The following ZBTB45 variants were observed in gnomAD, a reference collection of about 807,000 sequenced individuals.
ZBTB45 encodes zinc finger and BTB domain-containing protein 45.
In ZBTB45, 22 loss-of-function variants were observed where a neutral mutation model predicts 28.4. That is an observed-to-expected ratio of 0.77 (90% CI 0.55 to 1.10). The LOEUF (loss-of-function observed/expected upper bound fraction) is 1.10, where lower values mean the gene tolerates loss of function less well. Ranked by LOEUF, ZBTB45 falls within the 50% of genes least tolerant of loss-of-function variation. The pLI is 0.00. For synonymous variants in ZBTB45, 361 were observed against 332.3 expected, an observed-to-expected ratio of 1.09 and a Z score of -0.94; for missense variants, 656 against 750.2, an observed-to-expected ratio of 0.87 and a Z score of 1.47.
In ZBTB45 at chr19:58,517,684, C is replaced by T. The variant is rs774630616; in HGVS notation, c.1-11G>A. ...CTCTGCAGCCGCCATCTGCACAGAACAAGAGGAGGGCAGGGAGAGGTCAAC... is the reference window on the plus strand; with the variant it reads ...CTCTGCAGCCGCCATCTGCACAGAATAAGAGGAGGGCAGGGAGAGGTCAAC... On this transcript the variant is annotated splice_polypyrimidine_tract_variant and intron_variant, in intron 1 of 2. Coordinates refer to ENST00000594051, the MANE Select transcript of ZBTB45 (RefSeq NM_001316979.2). 6.2e-7 allele frequency: 1 copy of T among 1,607,620 alleles called. No individual in the cohort carries two copies.
upstream of ZBTB45, among the ~76,000 whole-genome samples, chr19:58,520,548 T>C (rs1328546729): frequency 6.6e-6 from 1 of 152,170 alleles, no homozygotes; most frequent in African/African-American, 2.4e-5. Context: ...AGGTTACTCA[T>C]TAGCTGATCT....
rs1195668696 is a variant in ZBTB45 at position 58,516,850 on chromosome 19, C to T, written c.824G>A (p.Gly275Glu). Reference protein sequence around the residue: ...YSGAGRDFLRGAGSAEDVFPD... With the variant: ...YSGAGRDFLREAGSAEDVFPD... Reference sequence around the variant, plus strand: ...AAATACGTCCTCAGCTGACCCAGCTCCCCGAAGAAAATCTCTCCCGGCACC... The same window carrying T: ...AAATACGTCCTCAGCTGACCCAGCTTCCCGAAGAAAATCTCTCCCGGCACC... Residue 275 changes from glycine to glutamate, a missense_variant, in exon 2 of 3, where the codon GGA becomes GAA. Coordinates refer to ENST00000594051, the MANE Select transcript of ZBTB45 (RefSeq NM_001316979.2). This position sits in a 1 kb window ranked among gnomAD's most constrained non-coding sequence, Gnocchi z 6.2. 6.2e-7 allele frequency: 1 copy of T among 1,613,564 alleles called. No individual in the cohort carries two copies. Among genetic ancestry groups the T allele is most frequent in the South Asian group, 1.1e-5 (1 of 91,082 alleles).
upstream of ZBTB45, among the ~76,000 whole-genome samples, chr19:58,521,192 G>A (rs1173133491): frequency 2.1e-5 from 3 of 143,456 alleles, no homozygotes; most frequent in Non-Finnish European, 3.0e-5. Flanking sequence ...GTGAAACCCC[G>A]TCTCTACTAA....
chr19:58,517,794 G>A (rs558332265), intron 1 of ZBTB45, 121 bp from the exon 2 acceptor site: 59 of 872,598 alleles, frequency 6.8e-5, no homozygotes, highest in African/African-American at 5.6e-4. Context: ...TCCAAGGCGC[G>A]CTAACCCATC....
upstream of ZBTB45, among the ~76,000 whole-genome samples, chr19:58,522,673 A>C (rs1235768771): frequency 1.3e-5 from 2 of 152,034 alleles, no homozygotes; most frequent in Non-Finnish European, 2.9e-5. Flanking sequence ...AAGTCTAATA[A>C]CCTGCCATCA....
chr19:58,524,156 C>G (rs2053593426), upstream of ZBTB45, among the ~76,000 whole-genome samples: 1 of 148,166 alleles, frequency 6.7e-6, no homozygotes, highest in Admixed American at 6.8e-5. Context: ...CACCTGAGAT[C>G]AGGAGTTCCA....
intron 1 of ZBTB45, among the ~76,000 whole-genome samples, chr19:58,534,033 G>A (rs1028834719): frequency 6.6e-6 from 1 of 152,232 alleles, no homozygotes; most frequent in South Asian, 2.1e-4. Flanking sequence ...TGTCTGTGAA[G>A]TTAGGGCGTC....
intron 1 of ZBTB45, among the ~76,000 whole-genome samples, chr19:58,526,099 A>G (rs1361674217): frequency 6.6e-6 from 1 of 152,164 alleles, no homozygotes; most frequent in Non-Finnish European, 1.5e-5. Context: ...ATGGTGGCAC[A>G]TGCCTATAAT....
At chr19:58,524,067 A>AG (rs2053592847), upstream of ZBTB45, among the ~76,000 whole-genome samples, 2 of 139,180 alleles carry the variant, frequency 1.4e-5, no homozygotes, top group South Asian at 2.3e-4. Context: ...CTGTCTCAAA[A>AG]AAAAAAAAAA....
chr19:58,534,481 C>T (rs1276315164), intron 1 of ZBTB45, among the ~76,000 whole-genome samples: 1 of 151,834 alleles, frequency 6.6e-6, no homozygotes, highest in Non-Finnish European at 1.5e-5. Flanking sequence ...CCTCTGATTC[C>T]TTGGTTCAAG....
At position 58,516,652 on chromosome 19, in the gene ZBTB45, G is replaced by A. The variant is rs763726577; in HGVS notation, c.1022C>T (p.Pro341Leu). The change falls in exon 2 of 3, where the codon CCA becomes CTA. Residue 341 changes from proline to leucine, a missense_variant. Physicochemically the swap from Pro to Leu is moderately conservative, Grantham distance 98. Transcript: ENST00000594051. The surrounding 1 kb of genome is among the most constrained non-coding windows in gnomAD (Gnocchi z 6.2). ...LFPFHLGAPG[P>L]PAPPPSAPSG... ...TGGTGCTGAAGGGGGTGGTGCGGGT[G>A]GCCCAGGGGCACCCAAGTGAAAGGG... is the stretch of plus-strand genomic sequence containing the variant. 1 of 1,560,698 alleles carries A rather than the reference G, an allele frequency of 6.4e-7. No homozygotes were observed. The highest frequency in any genetic ancestry group is 8.7e-7 in the Non-Finnish European group (1 of 1,153,026).
At chr19:58,531,773 G>A (rs569178834) in intron 1 of ZBTB45, among the ~76,000 whole-genome samples, 11 of 152,274 alleles carry the variant, frequency 7.2e-5, no homozygotes, top group East Asian at 3.9e-4. Flanking sequence ...TGCATCAGCC[G>A]ATGACGGTCA....
intron 1 of ZBTB45, among the ~76,000 whole-genome samples, chr19:58,532,065 GGGAA>G (rs1797808934): frequency 6.6e-6 from 1 of 152,000 alleles, no homozygotes; most frequent in Non-Finnish European, 1.5e-5. Flanking sequence ...AGGATGCTTT[GGGAA>G]GGCAGCAAAC....
At chr19:58,530,384 C>CA (rs147998940) in intron 1 of ZBTB45, among the ~76,000 whole-genome samples, 2,903 of 151,960 alleles carry the variant, frequency 0.019, 32 homozygotes, top group Middle Eastern at 0.028. Context: ...CTCGGCTCAC[C>CA]ACAACCTCCG....
At chr19:58,521,410 TAGCC>T (rs2053578124), upstream of ZBTB45, among the ~76,000 whole-genome samples, 1 of 150,538 alleles carries the variant, frequency 6.6e-6, no homozygotes, top group Non-Finnish European at 1.5e-5. Flanking sequence ...AAACAGACCT[TAGCC>T]CTAGAAGTGC....
In ZBTB45 at chr19:58,516,921, G is replaced by A. The variant is rs556405108; in HGVS notation, c.753C>T (p.Ser251=). Residue 251 remains serine, a synonymous_variant, in exon 2 of 3, where the codon AGC becomes AGT. Coordinates refer to ENST00000594051, the MANE Select transcript of ZBTB45 (RefSeq NM_001316979.2). The surrounding 1 kb of genome is among the most constrained non-coding windows in gnomAD (Gnocchi z 6.2). ...AAGFLTAAAD[S]ACEEPPAPTG... ...TGGGTGCAGGGGGCTCCTCGCACGC[G>A]CTGTCAGCAGCAGCAGTGAGGAAGC... 6.8e-5 allele frequency: 110 copies of A among 1,613,276 alleles called. No individual in the cohort carries two copies. In the South Asian group the frequency reaches 9.8e-4, roughly 14 times the overall value.
At chr19:58,524,886 A>C (rs1234641385) in intron 1 of ZBTB45, among the ~76,000 whole-genome samples, 1 of 151,914 alleles carries the variant, frequency 6.6e-6, no homozygotes, top group Non-Finnish European at 1.5e-5. Flanking sequence ...CCGTCTCAAA[A>C]AAAAAAAACA....
intron 1 of ZBTB45, among the ~76,000 whole-genome samples, chr19:58,534,115 G>A (rs1394908217): frequency 6.6e-6 from 1 of 152,168 alleles, no homozygotes; most frequent in Non-Finnish European, 1.5e-5. Context: ...GTTAGCTGAG[G>A]TGCTCCCTGC....
At chr19:58,518,227 C>G (rs1233339000) in intron 1 of ZBTB45, among the ~76,000 whole-genome samples, 1 of 152,164 alleles carries the variant, frequency 6.6e-6, no homozygotes, top group African/African-American at 2.4e-5. Context: ...AGTATGAGAC[C>G]CTGTGCATAG....
Sources: gnomAD v4.1 joint callset for allele counts (sites outside exome capture counted in the v4.1 genomes callset) on GRCh38, gnomAD v4.1.1 for gene constraint, Gnocchi (gnomAD v3.1) non-coding constraint, MANE v1.5 for transcripts, NCBI Gene and HGNC (gene_info 2026-07-23, HGNC 2026-07-21) for gene names.